PALM2AKAP2: variants seen among roughly 807,000 people sequenced by gnomAD.
The protein encoded by PALM2AKAP2 is PALM2 and AKAP2 fusion.
Under a neutral mutation model 71.5 loss-of-function variants are expected in PALM2AKAP2, and 37 were observed. That is an observed-to-expected ratio of 0.52 (90% CI 0.40 to 0.68). PALM2AKAP2 has a LOEUF of 0.68. Among genes scored for constraint, PALM2AKAP2 ranks in the 30% least tolerant of loss-of-function variants. The probability of loss-of-function intolerance (pLI) is 0.00; values close to 1 mark genes in which losing one functional copy is unlikely to be tolerated. For missense variants in PALM2AKAP2, 1,224 were observed against 1,191.8 expected (o/e 1.03, Z -0.40); for synonymous variants, 468 against 478.8 (o/e 0.98, Z 0.29).
intron 1 of PALM2AKAP2, among the ~76,000 whole-genome samples, chr9:109,696,175 A>G (rs1356519429): frequency 6.6e-6 from 1 of 152,234 alleles, no homozygotes; most frequent in Non-Finnish European, 1.5e-5. Context: ...TCACTTTGAA[A>G]AAAACTGTGA....
chr9:110,142,321 C>T (rs1279140126), intron 2 of PALM2AKAP2, among the ~76,000 whole-genome samples: 6 of 151,886 alleles, frequency 4.0e-5, no homozygotes, highest in Admixed American at 1.3e-4. Context: ...ACTCCTGATC[C>T]GCCTCAGGTG....
chr9:110,023,548 A>T (rs1429190344), intron 7 of PALM2AKAP2, among the ~76,000 whole-genome samples: 1 of 151,378 alleles, frequency 6.6e-6, no homozygotes, highest in African/African-American at 2.4e-5. Context: ...TCACCACCTC[A>T]AATGATCCAC....
intron 1 of PALM2AKAP2, among the ~76,000 whole-genome samples, chr9:109,815,778 G>T (rs531318363): frequency 1.3e-5 from 2 of 152,310 alleles, no homozygotes; most frequent in South Asian, 4.1e-4. Context: ...AAGTGGTGTG[G>T]CTGTGAAGGA....
rs1588081579 is a variant in PALM2AKAP2, at chr9:110,055,433, G to C, written c.156+6578G>C. Among the ~76,000 whole-genome samples the C allele has an allele frequency of 3.3e-5, 5 of 152,214 alleles. No homozygotes were observed. The Middle Eastern group carries it at 0.01, about 311-fold the overall frequency. Reference sequence around the variant, plus strand: ...TGGTCTCAAATTCCTGACCTCAGGTGATCTGCCCACCTTGGGCAATCCCAA... The same window carrying C: ...TGGTCTCAAATTCCTGACCTCAGGTCATCTGCCCACCTTGGGCAATCCCAA... On this transcript the variant is annotated intron_variant, in intron 1 of 3. Transcript: ENST00000374525.
intron 1 of PALM2AKAP2, among the ~76,000 whole-genome samples, chr9:109,835,086 T>A (rs1828421626): frequency 6.6e-6 from 1 of 151,878 alleles, no homozygotes; most frequent in African/African-American, 2.4e-5. Context: ...TGTGGTTTTT[T>A]GACACCTGGC....
At chr9:110,159,412 G>A (rs913672182) in intron 3 of PALM2AKAP2, among the ~76,000 whole-genome samples, 12 of 152,286 alleles carry the variant, frequency 7.9e-5, no homozygotes, top group Admixed American at 2.6e-4. Context: ...TTGGCATGCC[G>A]TTTTGGAGAT....
intron 6 of PALM2AKAP2, among the ~76,000 whole-genome samples, chr9:109,989,223 C>T (rs147025734): frequency 1.9e-4 from 29 of 152,298 alleles, no homozygotes; most frequent in African/African-American, 7.0e-4. Flanking sequence ...CCAAATGCCC[C>T]TCTCCCAAGG....
Position 110,065,803 on chromosome 9 carries a change from G to A in PALM2AKAP2, c.156+16948G>A, listed in dbSNP as rs771231759. 4.1e-4 allele frequency among the ~76,000 whole-genome samples: 63 copies of A among 152,050 alleles called. 1 individual carries two copies. The highest frequency in any genetic ancestry group is 3.2e-3 in the Middle Eastern group (1 of 316). On this transcript the variant is annotated intron_variant, in intron 1 of 3. Coordinates refer to ENST00000374525, the Ensembl canonical transcript of PALM2AKAP2. ...AGTAACCTCATATAAGTGAAATCAC[G>A]TATTTGTCTTTCTGTGACTGGCTTA...
At chr9:109,679,841 T>TA (rs1827703955) in intron 1 of PALM2AKAP2, among the ~76,000 whole-genome samples, 1 of 152,222 alleles carries the variant, frequency 6.6e-6, no homozygotes, top group Admixed American at 6.5e-5. Flanking sequence ...ATGCTCTTTG[T>TA]TATAAGAAAT....
At chr9:110,060,688 G>A (rs1424916930) in intron 1 of PALM2AKAP2, among the ~76,000 whole-genome samples, 3 of 152,070 alleles carry the variant, frequency 2.0e-5, no homozygotes, top group African/African-American at 4.8e-5. Flanking sequence ...TGCAACCTCC[G>A]CCTCCTGGGT....
intron 5 of PALM2AKAP2, among the ~76,000 whole-genome samples, chr9:109,926,441 A>G (rs1588013371): frequency 6.6e-6 from 1 of 152,294 alleles, no homozygotes; most frequent in East Asian, 1.9e-4. Flanking sequence ...ACTTCTAGGA[A>G]GTCTCTATGG....
chr9:110,104,269 G>A (rs1835066452), intron 1 of PALM2AKAP2, among the ~76,000 whole-genome samples: 1 of 152,108 alleles, frequency 6.6e-6, no homozygotes, highest in Non-Finnish European at 1.5e-5. Flanking sequence ...GATTTCAGAT[G>A]TTTAGCCCCA....
chr9:109,797,969 G>A (rs1310375577), intron 1 of PALM2AKAP2, among the ~76,000 whole-genome samples: 1 of 152,174 alleles, frequency 6.6e-6, no homozygotes, highest in African/African-American at 2.4e-5. Context: ...AAATTGGGTG[G>A]CTTAAACAAC....
chr9:110,166,675 T>C (rs1836742922), intron 3 of PALM2AKAP2, among the ~76,000 whole-genome samples: 1 of 152,170 alleles, frequency 6.6e-6, no homozygotes. Flanking sequence ...GCATCATTCA[T>C]TCAGCAAACG....
chr9:109,650,121 T>C (rs767971788), intron 1 of PALM2AKAP2, among the ~76,000 whole-genome samples: 1 of 152,186 alleles, frequency 6.6e-6, no homozygotes. Context: ...ATTCACACAG[T>C]AGTGCCATCG....
At chr9:109,960,338 A>T (rs537673789) in intron 6 of PALM2AKAP2, among the ~76,000 whole-genome samples, 27 of 152,332 alleles carry the variant, frequency 1.8e-4, no homozygotes, top group African/African-American at 6.5e-4. Context: ...CTGACCCTTC[A>T]GTGGGGCTCC....
exon 2 of PALM2AKAP2, chr9:110,136,723 T>C: frequency 1.2e-6 from 2 of 1,614,180 alleles, no homozygotes; most frequent in South Asian, 1.1e-5. Flanking sequence ...CACGGTGTTC[T>C]TCCCGAGATG....
At chr9:109,780,470 C>T (rs370007543) in exon 1 of PALM2AKAP2, 3 of 1,613,290 alleles carry the variant, frequency 1.9e-6, no homozygotes, top group South Asian at 1.1e-5. Context: ...TTTCCCCTGC[C>T]TGTGTGCCCT....
chr9:110,039,174 A>C (rs1294333260), intron 7 of PALM2AKAP2, among the ~76,000 whole-genome samples: 1 of 152,042 alleles, frequency 6.6e-6, no homozygotes, highest in Non-Finnish European at 1.5e-5. Context: ...ACTCGAGCCC[A>C]GGAAGTTGAG....
Sources: allele counts gnomAD v4.1 joint callset (sites outside exome capture counted in the v4.1 genomes callset), GRCh38; gene constraint gnomAD v4.1.1; transcripts MANE v1.5; gene names NCBI Gene and HGNC (gene_info 2026-07-23, HGNC 2026-07-21).